The following OPN5 variants were observed in gnomAD, a reference collection of about 807,000 sequenced individuals.
OPN5 encodes the protein opsin 5.
In OPN5, 18 loss-of-function variants were observed where a neutral mutation model predicts 41.7. The ratio of observed to expected loss-of-function variants is 0.43; its 90% CI spans 0.30 to 0.64. The LOEUF is 0.64. OPN5 is among the 30% of genes least tolerant of loss of function. OPN5 has a pLI of 0.13. For missense variants in OPN5, 318 were observed against 434.5 expected (o/e 0.73, Z 2.38); for synonymous variants, 178 against 164.3 (o/e 1.08, Z -0.64).
intron 6 of OPN5, among the ~76,000 whole-genome samples, chr6:47,818,569 G>T (rs942412102): frequency 6.6e-6 from 1 of 152,180 alleles, no homozygotes; most frequent in Admixed American, 6.5e-5. Flanking sequence ...TCAATCTGCA[G>T]TTGAGCCTGT....
intron 4 of OPN5, among the ~76,000 whole-genome samples, chr6:47,801,152 A>G (rs1773754680): frequency 6.6e-6 from 1 of 152,182 alleles, no homozygotes; most frequent in African/African-American, 2.4e-5. Context: ...CTCTTTTGTA[A>G]GACAGTAAGT....
At chr6:47,788,801 A>G (rs1012577738) in intron 2 of OPN5, among the ~76,000 whole-genome samples, 1 of 16,220 alleles carries the variant, frequency 6.2e-5, no homozygotes, top group East Asian at 2.3e-3. Context: ...ATATTAGGAT[A>G]ACCTGGGGGG....
At position 47,812,941 on chromosome 6, in the gene OPN5, A is replaced by G. The variant is rs921651186; in HGVS notation, c.1056+1210A>G. On this transcript the variant is annotated intron_variant, in intron 6 of 6. Transcript: ENST00000371211. Reference sequence around the variant, plus strand: ...CTCCTCCAAGGCTCAACCTCAGTACATGGAACCTTCAGTTCCTTTGTCTTT... The same window carrying G: ...CTCCTCCAAGGCTCAACCTCAGTACGTGGAACCTTCAGTTCCTTTGTCTTT... Among the ~76,000 whole-genome samples the G allele has an allele frequency of 7.2e-5, 11 of 152,248 alleles. No individual in the cohort carries two copies. The East Asian group carries it at 2.1e-3, about 29-fold the overall frequency.
At chr6:47,813,582 A>G (rs1762332831) in intron 6 of OPN5, among the ~76,000 whole-genome samples, 2 of 151,966 alleles carry the variant, frequency 1.3e-5, no homozygotes, top group African/African-American at 4.8e-5. Context: ...TGATAGGGAG[A>G]CCATTCATGA....
intron 4 of OPN5, among the ~76,000 whole-genome samples, chr6:47,805,926 A>G (rs1773942784): frequency 6.6e-6 from 1 of 152,070 alleles, no homozygotes; most frequent in Non-Finnish European, 1.5e-5. Context: ...GGAAAGTCCA[A>G]TTTTCCTGGA....
chr6:47,786,511 G>T lies in OPN5; in HGVS notation c.131-4G>T, dbSNP rs527873906. ...ACGATTGGAATTTTTATTTTTCCTT[G>T]TAGGGATTCTGTCCACATTTGGAAA... On this transcript the variant is annotated splice_polypyrimidine_tract_variant and splice_region_variant and intron_variant, in intron 1 of 6. Transcript: ENST00000371211. The T allele has an allele frequency of 6.8e-6, 11 of 1,606,488 alleles. No homozygotes were observed. In the East Asian group the frequency reaches 2.5e-4, roughly 36 times the overall value.
downstream of OPN5, chr6:47,825,458 A>T (rs1762763358): frequency 6.6e-6 from 1 of 152,154 alleles, no homozygotes; most frequent in African/African-American, 2.4e-5. Flanking sequence ...GGCAAGTGAA[A>T]TGGGTTCTAG....
At chr6:47,819,006 T>C (rs1257629369) in intron 6 of OPN5, among the ~76,000 whole-genome samples, 1 of 151,914 alleles carries the variant, frequency 6.6e-6, no homozygotes, top group Non-Finnish European at 1.5e-5. Flanking sequence ...GACAGACATT[T>C]ATAAGATCTA....
At chr6:47,805,032 G>A (rs1773909754) in intron 4 of OPN5, among the ~76,000 whole-genome samples, 2 of 152,190 alleles carry the variant, frequency 1.3e-5, no homozygotes, top group Non-Finnish European at 2.9e-5. Flanking sequence ...ACTCACCAAA[G>A]AAGCAAAGAT....
chr6:47,795,081 C>G (rs1490843748), intron 3 of OPN5, 148 bp from the exon 4 acceptor site: 2 of 634,636 alleles, frequency 3.2e-6, no homozygotes, highest in Non-Finnish European at 5.2e-6. Flanking sequence ...TTTCCGTTTA[C>G]TCCACTCTCC....
exon 4 of OPN5, chr6:47,795,376 C>T (rs1581735042): frequency 6.2e-7 from 1 of 1,614,140 alleles, no homozygotes; most frequent in Non-Finnish European, 8.5e-7. Context: ...TGGTGGCTGG[C>T]CCAGGCCTCG....
At chr6:47,815,765 G>A (rs1311133478) in intron 6 of OPN5, among the ~76,000 whole-genome samples, 1 of 152,054 alleles carries the variant, frequency 6.6e-6, no homozygotes, top group Admixed American at 6.6e-5. Flanking sequence ...GCTATTAGTG[G>A]ATGCCATATT....
chr6:47,795,709 T>C, intron 4 of OPN5, 146 bp downstream of exon 4: 2 of 620,084 alleles, frequency 3.2e-6, no homozygotes, highest in Non-Finnish European at 2.8e-6. Context: ...TGTCTAAGCC[T>C]TTCTTTGTGG....
chr6:47,810,629 C>G (rs1449789566), intron 5 of OPN5, among the ~76,000 whole-genome samples: 1 of 152,088 alleles, frequency 6.6e-6, no homozygotes, highest in African/African-American at 2.4e-5. Context: ...AATAATAAAG[C>G]TAATGTATTG....
downstream of OPN5, chr6:47,825,399 G>T (rs367780472): frequency 3.3e-5 from 5 of 152,178 alleles, no homozygotes; most frequent in Non-Finnish European, 5.9e-5. Context: ...TGGTGATTTT[G>T]TTGTTATCAG....
chr6:47,818,559 T>C (rs1762500627), intron 6 of OPN5, among the ~76,000 whole-genome samples: 1 of 152,180 alleles, frequency 6.6e-6, no homozygotes, highest in Admixed American at 6.5e-5. Flanking sequence ...TAGGATAATC[T>C]CAATCTGCAG....
chr6:47,819,379 A>AATATAT (rs544310153), intron 6 of OPN5, among the ~76,000 whole-genome samples: 1,857 of 97,234 alleles, frequency 0.019, 60 homozygotes, highest in African/African-American at 0.047. Flanking sequence ...TATAAGTAGA[A>AATATAT]ATATATATAT....
At chr6:47,795,686 C>A in intron 4 of OPN5, 123 bp downstream of exon 4, 1 of 674,006 alleles carries the variant, frequency 1.5e-6, no homozygotes, top group Non-Finnish European at 2.5e-6. Flanking sequence ...TAATTCTGAA[C>A]TTCGTTGATG....
At chr6:47,791,740 T>G in intron 2 of OPN5, 62 bp from the exon 3 acceptor site, 10 of 1,467,246 alleles carry the variant, frequency 6.8e-6, no homozygotes, top group Non-Finnish European at 9.5e-6. Flanking sequence ...TCAGGTGAGT[T>G]GAGGTAGGTG....
Sources: allele counts gnomAD v4.1 joint callset (sites outside exome capture counted in the v4.1 genomes callset), GRCh38; gene constraint gnomAD v4.1.1; transcripts MANE v1.5; gene names NCBI Gene and HGNC (gene_info 2026-07-23, HGNC 2026-07-21).